Variants in ERCC1 observed in about 807,000 individuals in gnomAD.
ERCC1 encodes DNA excision repair protein ERCC-1.
ERCC1 carries 36 observed loss-of-function variants against 37.6 expected under a neutral mutation model. The observed-to-expected ratio is 0.96, with a 90% CI of 0.73 to 1.26. ERCC1 has a LOEUF of 1.26. Among genes scored for constraint, ERCC1 ranks in the 50% most tolerant of loss-of-function variants. The pLI is 0.00. For missense variants in ERCC1, 349 were observed against 376.5 expected (o/e 0.93, Z 0.60); for synonymous variants, 156 against 162.1 (o/e 0.96, Z 0.28).
intron 1 of ERCC1, among the ~76,000 whole-genome samples, chr19:45,439,000 T>G (rs1324079532): frequency 6.6e-6 from 1 of 152,110 alleles, no homozygotes; most frequent in East Asian, 1.9e-4. Context: ...CTCTCTGTTC[T>G]TCCTCTCCCA....
In ERCC1 at chr19:45,440,632, C is replaced by T. The variant is rs147757489; in HGVS notation, c.-7-17251G>A. On this transcript the variant is annotated intron_variant, in intron 1 of 8. Transcript: ENST00000423698. Reference sequence around the variant, plus strand: ...CGGGGCTCAGGCTGGGGAAGGATGACCGTCTTTGTCACCAAATTTGATCAC... The same window carrying T: ...CGGGGCTCAGGCTGGGGAAGGATGATCGTCTTTGTCACCAAATTTGATCAC... Among the ~76,000 whole-genome samples the T allele has an allele frequency of 1.0e-3, 154 of 152,284 alleles. 2 individuals carry two copies. The highest frequency in any genetic ancestry group is 3.6e-3 in the African/African-American group (150 of 41,544).
Position 45,421,363 on chromosome 19 carries a change from G to A in ERCC1, c.136C>T (p.Leu46Phe). The change falls in exon 3 of 10, where the codon CTT becomes TTT. Residue 46 changes from leucine to phenylalanine, a missense_variant. Transcript: ENST00000300853. ...TGGGCCGAGGTGTCCACAGTGGGAA[G>A]GCTCTGTGTAGATCGGAATAAGGGC... ...AKPLFRSTQS[L>F]PTVDTSAQAA... 1 of 1,613,584 alleles carries A rather than the reference G, an allele frequency of 6.2e-7. No individual in the cohort carries two copies. Among genetic ancestry groups the A allele is most frequent in the East Asian group, 2.2e-5 (1 of 44,872 alleles).
intron 7 of ERCC1, chr19:45,414,562 G>A (rs2123472222): frequency 2.3e-6 from 1 of 431,422 alleles, no homozygotes; most frequent in South Asian, 2.2e-5. Flanking sequence ...AGGCCTGGGA[G>A]AAGTGAAGTG....
chr19:45,415,031 T>C, intron 6 of ERCC1, 71 bp from the exon 7 acceptor site: 1 of 1,224,494 alleles, frequency 8.2e-7, no homozygotes, highest in Non-Finnish European at 1.2e-6. Flanking sequence ...TTATGGTCAG[T>C]CATAAGAATT....
intron 9 of ERCC1, 33 bp downstream of exon 9, chr19:45,413,644 C>G (rs776612440): frequency 6.2e-7 from 1 of 1,614,216 alleles, no homozygotes; most frequent in South Asian, 1.1e-5. Flanking sequence ...TCTCCTTCCC[C>G]CAACTCCTTG....
At chr19:45,421,437 C>G (rs1221823502) in intron 2 of ERCC1, 44 bp from the exon 3 acceptor site, 1 of 1,428,228 alleles carries the variant, frequency 7.0e-7, no homozygotes, top group South Asian at 1.2e-5. Context: ...TTGGGGTGAG[C>G]AGAGGACATC....
intron 1 of ERCC1, among the ~76,000 whole-genome samples, chr19:45,439,285 A>C (rs1975057994): frequency 6.6e-6 from 1 of 152,176 alleles, no homozygotes; most frequent in Non-Finnish European, 1.5e-5. Flanking sequence ...AGTTGAAATG[A>C]TGGTACATTG....
At chr19:45,421,998 T>TCAAAATCTGAATTCAGCCA (rs1465965027) in intron 2 of ERCC1, among the ~76,000 whole-genome samples, 2 of 151,808 alleles carry the variant, frequency 1.3e-5, no homozygotes, top group African/African-American at 2.4e-5. Context: ...GGCTGAGAGC[T>TCAAAATCTGAATTCAGCCA]CAAAATCTGA....
At chr19:45,411,663 G>A (rs897032622) in intron 9 of ERCC1, among the ~76,000 whole-genome samples, 51 of 151,958 alleles carry the variant, frequency 3.4e-4, no homozygotes, top group South Asian at 2.1e-4. Context: ...GCATGGTAGC[G>A]AGTGCCTGTA....
At chr19:45,414,755 C>A in intron 7 of ERCC1, 106 bp downstream of exon 7, 3 of 814,848 alleles carry the variant, frequency 3.7e-6, no homozygotes, top group Admixed American at 3.6e-5. Flanking sequence ...CCAGGAAAGA[C>A]GAGGCCCAGG....
At chr19:45,424,220 C>G (rs1037630668), upstream of ERCC1, 1 of 211,910 alleles carries the variant, frequency 4.7e-6, no homozygotes, top group Non-Finnish European at 8.6e-6. Flanking sequence ...CTCATTCATT[C>G]ATTTATTCCA....
At chr19:45,427,080 G>A (rs1056550996), upstream of ERCC1, among the ~76,000 whole-genome samples, 1 of 151,876 alleles carries the variant, frequency 6.6e-6, no homozygotes, top group Non-Finnish European at 1.5e-5. Flanking sequence ...AGTGAGCTGC[G>A]ATTGTGCCAC....
intron 1 of ERCC1, among the ~76,000 whole-genome samples, chr19:45,436,328 TAAAAC>T (rs993676185): frequency 3.3e-5 from 5 of 152,144 alleles, no homozygotes; most frequent in South Asian, 2.1e-4. Flanking sequence ...TTCAGTGACT[TAAAAC>T]AAGAGAAATT....
chr19:45,419,613 G>A (rs1599833139), intron 4 of ERCC1: 4 of 270,660 alleles, frequency 1.5e-5, no homozygotes, highest in East Asian at 1.8e-4. Flanking sequence ...AACTAGGACT[G>A]GCTCTGCCCA....
intron 1 of ERCC1, among the ~76,000 whole-genome samples, chr19:45,444,093 A>G (rs983323263): frequency 3.4e-5 from 2 of 59,326 alleles, no homozygotes; most frequent in Admixed American, 2.2e-4. Flanking sequence ...GGGCTCCCCC[A>G]AGCTTTCCTC....
Position 45,409,307 on chromosome 19 carries a change from G to A in ERCC1, c.*368C>T. 1 of 1,614,104 alleles carries A rather than the reference G, an allele frequency of 6.2e-7. No homozygotes were observed. Among genetic ancestry groups the A allele is most frequent in the Non-Finnish European group, 8.5e-7 (1 of 1,180,016 alleles). On this transcript the variant is annotated 3_prime_UTR_variant, in exon 10 of 10. Coordinates refer to ENST00000300853, the MANE Select transcript of ERCC1 (RefSeq NM_001983.4). ...TCAGCCACTAGAGCCTGAACTGCCA[G>A]GGGAGGGACAGCCTGAAGCCAGGGC...
chr19:45,443,301 G>GT (rs1975167768), intron 1 of ERCC1, among the ~76,000 whole-genome samples: 1 of 152,182 alleles, frequency 6.6e-6, no homozygotes, highest in African/African-American at 2.4e-5. Flanking sequence ...ACCTAAGGCA[G>GT]TAACTGGGAC....
chr19:45,443,936 C>G (rs1380346126), intron 1 of ERCC1, among the ~76,000 whole-genome samples: 1 of 151,458 alleles, frequency 6.6e-6, no homozygotes, highest in Non-Finnish European at 1.5e-5. Flanking sequence ...CCGAAACTCT[C>G]TGCCCTCACA....
intron 7 of ERCC1, 189 bp downstream of exon 7, chr19:45,414,671 AT>A: frequency 1.8e-6 from 1 of 557,680 alleles, no homozygotes. Flanking sequence ...CCATGGGAGG[AT>A]TTTGAGCTAG....
Sources: allele counts gnomAD v4.1 joint callset (sites outside exome capture counted in the v4.1 genomes callset), GRCh38; gene constraint gnomAD v4.1.1; transcripts MANE v1.5; gene names NCBI Gene and HGNC (gene_info 2026-07-23, HGNC 2026-07-21).